The following SP1 variants were observed in gnomAD, a reference collection of about 807,000 sequenced individuals.
SP1 encodes transcription factor Sp1.
Under a neutral mutation model 66.3 loss-of-function variants are expected in SP1, and 6 were observed. That is an observed-to-expected ratio of 0.09 (90% CI 0.05 to 0.18). The LOEUF (loss-of-function observed/expected upper bound fraction) is 0.18, where lower values mean the gene tolerates loss of function less well. Ranked by LOEUF, SP1 falls within the 10% of genes least tolerant of loss-of-function variation. The probability of loss-of-function intolerance (pLI) is 1.00; values close to 1 mark genes in which losing one functional copy is unlikely to be tolerated. For missense variants in SP1, 848 were observed against 964.5 expected, an observed-to-expected ratio of 0.88 and a Z score of 1.60; for synonymous variants, 417 against 360.8, an observed-to-expected ratio of 1.16 and a Z score of -1.77.
At position 53,383,453 on chromosome 12, in the gene SP1, C is replaced by T. The variant is rs768600640; in HGVS notation, c.1506C>T (p.Leu502=). The part of the protein sequence containing the change: ...LGQTSSSNTT[L]TPIASAASIP... ...AGACCAGCAGCAGCAACACCACTCT[C>T]ACACCCATTGCCTCAGCTGCTTCCA... is the stretch of plus-strand genomic sequence containing the variant. The change falls in exon 3 of 6, where the codon CTC becomes CTT. Residue 502 remains leucine, a synonymous_variant. Transcript: ENST00000327443. The T allele has an allele frequency of 3.1e-6, 5 of 1,614,246 alleles. No homozygotes were observed. The highest frequency in any genetic ancestry group is 4.5e-5 in the East Asian group (2 of 44,892).
chr12:53,382,459 T>C lies in SP1; in HGVS notation c.512T>C (p.Ile171Thr), dbSNP rs1173676781. The change falls in exon 3 of 6, where the codon ATT (isoleucine) becomes ACT (threonine). Residue 171 changes from isoleucine to threonine, a missense_variant. Around this residue, in one of 7 missense-constraint regions of SP1, gnomAD observed 606 missense variants for 589.9 expected, o/e 1.03. Transcript: ENST00000327443. ...GGACTACCTGGAGTGATGCCTAATA[T>C]TCAGTATCAAGTAATCCCACAGTTC... is the stretch of plus-strand genomic sequence containing the variant. Reference protein sequence around the residue: ...LTGLPGVMPNIQYQVIPQFQT... With the variant: ...LTGLPGVMPNTQYQVIPQFQT... 6 of 1,614,128 alleles carry C rather than the reference T, an allele frequency of 3.7e-6. No homozygotes were observed. The highest frequency in any genetic ancestry group is 2.2e-5 in the East Asian group (1 of 44,888).
chr12:53,383,770 C>T lies in SP1; in HGVS notation c.1675+148C>T, dbSNP rs1287547079. On this transcript the variant is annotated intron_variant, in intron 3 of 5. Transcript: ENST00000327443. ...CAAATAAATTTGAGAAATAGAGATT[C>T]TGTTTAAGTAATTTGGAACTGAAGT... 8.6e-6 allele frequency: 6 copies of T among 696,308 alleles called. No homozygotes were observed. The Admixed American group carries it at 8.8e-5, about 10-fold the overall frequency. 43.1% of individuals were successfully genotyped at this position (696,308 alleles called of 1,614,324 possible). A position where few individuals can be genotyped will look rare whatever the true frequency, so the allele number is the denominator to read the frequency against.
At chr12:53,380,345 G>C in intron 1 of SP1, 47 bp downstream of exon 1, 2 of 1,471,302 alleles carry the variant, frequency 1.4e-6, no homozygotes, top group Non-Finnish European at 1.8e-6. Flanking sequence ...GCGAGTGAGG[G>C]GGCGCGCGCG....
intron 3 of SP1, 73 bp downstream of exon 3, chr12:53,383,695 A>G (rs1209212266): frequency 8.1e-7 from 1 of 1,232,910 alleles, no homozygotes; most frequent in Non-Finnish European, 1.1e-6. Flanking sequence ...GTCTAAAGAA[A>G]GGAATAGAGC....
chr12:53,387,655 G>A (rs1352652982), intron 3 of SP1, among the ~76,000 whole-genome samples: 1 of 152,136 alleles, frequency 6.6e-6, no homozygotes, highest in Non-Finnish European at 1.5e-5. Context: ...GGTGCAACCT[G>A]TTTTAACTAG....
rs140815770 is a variant in SP1, at chr12:53,381,737, G to T, written c.86G>T (p.Gly29Val). Residue 29 changes from glycine to valine, a missense_variant, in exon 2 of 6, where the codon GGT (glycine) becomes GTT (valine). Coordinates refer to ENST00000327443, the MANE Select transcript of SP1 (RefSeq NM_138473.3). The stretch of plus-strand genomic sequence containing the variant: ...GTTGGTGGCAATAATGGGGGCAATG[G>T]TAATGGTGGTGGTGCCTTTTCACAG... ...KGVGGNNGGN[G>V]NGGGAFSQAR... The T allele has an allele frequency of 1.3e-5, 21 of 1,614,188 alleles. No homozygotes were observed. The highest frequency in any genetic ancestry group is 1.8e-5 in the Non-Finnish European group (21 of 1,180,010).
intron 3 of SP1, among the ~76,000 whole-genome samples, chr12:53,400,058 C>T (rs1278157720): frequency 6.6e-5 from 10 of 152,162 alleles, no homozygotes; most frequent in African/African-American, 1.9e-4. Context: ...CCACCGGTCC[C>T]GGCTTAATCA....
Position 53,380,192 on chromosome 12 carries a change from C to T in SP1, c.-100C>T, listed in dbSNP as rs937218905. 8 of 813,178 alleles carry T rather than the reference C, an allele frequency of 9.8e-6. No homozygotes were observed. The highest frequency in any genetic ancestry group is 5.7e-5 in the South Asian group (4 of 70,132). The allele number at this position is 813,178 out of a possible 1,614,324, so 50.4% of individuals were successfully genotyped here. ...CTCCTCCTTACCCCCCCCTCCCTGTCCGGTCCGGGTTCGCTTGCCTCGTCA... is the reference window on the plus strand; with the variant it reads ...CTCCTCCTTACCCCCCCCTCCCTGTTCGGTCCGGGTTCGCTTGCCTCGTCA... On this transcript the variant is annotated 5_prime_UTR_variant, in exon 1 of 6. Transcript: ENST00000327443.
chr12:53,403,291 T>G (rs1592568918), intron 3 of SP1, among the ~76,000 whole-genome samples: 1 of 152,208 alleles, frequency 6.6e-6, no homozygotes. Flanking sequence ...GTTTAGTTAC[T>G]TTCTTTCCTT....
intron 3 of SP1, among the ~76,000 whole-genome samples, chr12:53,383,964 T>G (rs541809372): frequency 5.7e-4 from 74 of 128,928 alleles, no homozygotes; most frequent in African/African-American, 3.2e-3. Context: ...TGTGGTCACA[T>G]TTTCTTTTCT....
At chr12:53,410,307 A>AAAAATAAAAT (rs531966395) in intron 5 of SP1, among the ~76,000 whole-genome samples, 1 of 151,988 alleles carries the variant, frequency 6.6e-6, no homozygotes, top group Admixed American at 6.6e-5. Context: ...TCTGTCTCAA[A>AAAAATAAAAT]AAAATAAAAT....
intron 3 of SP1, among the ~76,000 whole-genome samples, chr12:53,391,850 A>G (rs1012082166): frequency 6.6e-6 from 1 of 151,576 alleles, no homozygotes; most frequent in Non-Finnish European, 1.5e-5. Flanking sequence ...AACATGCAGT[A>G]TTTTGTTTTC....
In SP1 at chr12:53,380,307, G is replaced by A. The variant is rs747026791; in HGVS notation, c.7+9G>A. 6.3e-7 allele frequency: 1 copy of A among 1,597,126 alleles called. No individual in the cohort carries two copies. ...AGCTGCCACCATGAGCGGTAAGGATGAGTCCACTCCAAGCTTAGGGGTGGG... is the reference window on the plus strand; with the variant it reads ...AGCTGCCACCATGAGCGGTAAGGATAAGTCCACTCCAAGCTTAGGGGTGGG... On this transcript the variant is annotated intron_variant, in intron 1 of 5. Coordinates refer to ENST00000327443, the MANE Select transcript of SP1 (RefSeq NM_138473.3).
At chr12:53,403,788 CAG>C (rs1938665524) in intron 3 of SP1, among the ~76,000 whole-genome samples, 1 of 152,084 alleles carries the variant, frequency 6.6e-6, no homozygotes, top group African/African-American at 2.4e-5. Flanking sequence ...ATAATCACAA[CAG>C]AACATTTTGG....
chr12:53,396,568 AAAAAC>A (rs896213560), intron 3 of SP1, among the ~76,000 whole-genome samples: 8 of 152,296 alleles, frequency 5.3e-5, no homozygotes, highest in South Asian at 4.1e-4. Context: ...ACTCCATCTC[AAAAAC>A]AAAACAAAAC....
intron 4 of SP1, among the ~76,000 whole-genome samples, chr12:53,409,091 G>A (rs1938820968): frequency 6.6e-6 from 1 of 151,564 alleles, no homozygotes; most frequent in East Asian, 1.9e-4. Flanking sequence ...TGGGCATGGT[G>A]GTGTGCACCT....
chr12:53,390,854 A>G (rs1251032684), intron 3 of SP1, among the ~76,000 whole-genome samples: 2 of 152,176 alleles, frequency 1.3e-5, no homozygotes, highest in Admixed American at 1.3e-4. Flanking sequence ...GTTCTTAATT[A>G]AATAACAAGA....
At position 53,415,989 on chromosome 12, in the gene SP1, C is replaced by T. The variant is rs1938988525; in HGVS notation, c.*4749C>T. ...CACACCAGTGGCAGCTGCCCCAGGG[C>T]CTGCTTCCCCTTCCTAAGTCTGTCA... On this transcript the variant is annotated 3_prime_UTR_variant, in exon 6 of 6. Coordinates refer to ENST00000327443, the MANE Select transcript of SP1 (RefSeq NM_138473.3). 1.3e-5 allele frequency: 2 copies of T among 152,786 alleles called. No homozygotes were observed. Among genetic ancestry groups the T allele is most frequent in the South Asian group, 2.1e-4 (1 of 4,834 alleles). 9.5% of individuals were successfully genotyped at this position (152,786 alleles called of 1,614,324 possible).
Position 53,382,093 on chromosome 12 carries a change from C to A in SP1, c.163-17C>A, listed in dbSNP as rs1412314620. The A allele has an allele frequency of 6.2e-6, 10 of 1,611,608 alleles. No homozygotes were observed. The highest frequency in any genetic ancestry group is 6.8e-6 in the Non-Finnish European group (8 of 1,178,720). ...TGGGTGTCACTAACTCCTTTCCTCTCCCTTATTTTCGGCCAGGAGTCCCAG... is the reference window on the plus strand; with the variant it reads ...TGGGTGTCACTAACTCCTTTCCTCTACCTTATTTTCGGCCAGGAGTCCCAG... On this transcript the variant is annotated splice_polypyrimidine_tract_variant and intron_variant, in intron 2 of 5. Transcript: ENST00000327443.
Sources: gnomAD v4.1 joint callset for allele counts (sites outside exome capture counted in the v4.1 genomes callset) on GRCh38, gnomAD v4.1.1 for gene constraint, gnomAD v4.1.1 regional missense constraint, MANE v1.5 for transcripts, NCBI Gene and HGNC (gene_info 2026-07-23, HGNC 2026-07-21) for gene names.